SULF2: variants seen among roughly 807,000 people sequenced by gnomAD.
SULF2 encodes sulfatase 2.
Under a neutral mutation model 107.7 loss-of-function variants are expected in SULF2, and 52 were observed. The observed-to-expected ratio is 0.48, with a 90% confidence interval of 0.39 to 0.61. The LOEUF (loss-of-function observed/expected upper bound fraction) is 0.61. SULF2 is among the 20% of genes least tolerant of loss of function. SULF2 has a pLI of 0.00. For synonymous variants in SULF2, 460 were observed against 464.3 expected (o/e 0.99, Z 0.12); for missense variants, 993 against 1,177.3 (o/e 0.84, Z 2.29).
intron 1 of SULF2, among the ~76,000 whole-genome samples, chr20:47,764,101 C>G (rs148321048): frequency 3.5e-4 from 53 of 152,332 alleles, no homozygotes; most frequent in African/African-American, 1.2e-3. Context: ...CTGCCTGGAG[C>G]CTTCATTCAG....
intron 3 of SULF2, 113 bp downstream of exon 3, chr20:47,736,590 C>T (rs1426961857): frequency 2.9e-6 from 4 of 1,384,372 alleles, no homozygotes; most frequent in South Asian, 2.7e-5. Flanking sequence ...AAGAGAGTTG[C>T]TCTAGGGGCT....
At chr20:47,737,057 T>TACGGGGCAG (rs1294360652) in intron 2 of SULF2, 115 bp from the exon 3 acceptor site, 2 of 1,481,270 alleles carry the variant, frequency 1.4e-6, no homozygotes, top group Admixed American at 1.9e-5. Flanking sequence ...TCTGCAGACC[T>TACGGGGCAG]ACGGGGCAGA....
At chr20:47,725,760 C>T (rs925228494) in intron 3 of SULF2, among the ~76,000 whole-genome samples, 2 of 152,200 alleles carry the variant, frequency 1.3e-5, no homozygotes, top group African/African-American at 2.4e-5. Context: ...ACCTGCCAGC[C>T]CTCTATGCAT....
At position 47,690,306 on chromosome 20, in the gene SULF2, G is replaced by A. The variant is rs2088154365; in HGVS notation, c.568-11C>T. ...GTCTGTGAGGTAATCCTGGGGGGTG[G>A]GGAGAGACAGGAGAACAGGTGAGGA... On this transcript the variant is annotated splice_polypyrimidine_tract_variant and intron_variant, in intron 4 of 20. Coordinates refer to ENST00000688720, the MANE Select transcript of SULF2 (RefSeq NM_001387048.1). 2 of 1,451,288 alleles carry A rather than the reference G, an allele frequency of 1.4e-6. No homozygotes were observed. Among genetic ancestry groups the A allele is most frequent in the Admixed American group, 2.3e-5 (1 of 44,088 alleles). The allele number at this position is 1,451,288 out of a possible 1,614,324, so 89.9% of individuals were successfully genotyped here.
At chr20:47,671,566 G>A (rs1490488460) in intron 11 of SULF2, among the ~76,000 whole-genome samples, 2 of 151,610 alleles carry the variant, frequency 1.3e-5, no homozygotes, top group Non-Finnish European at 1.5e-5. Flanking sequence ...GAGCCACCGC[G>A]CCCAGCCCAG....
intron 3 of SULF2, among the ~76,000 whole-genome samples, chr20:47,721,565 T>C (rs2089298442): frequency 6.6e-6 from 1 of 152,188 alleles, no homozygotes; most frequent in Non-Finnish European, 1.5e-5. Flanking sequence ...AGACGGGGTT[T>C]CACCACGTTG....
intron 2 of SULF2, among the ~76,000 whole-genome samples, chr20:47,753,098 CAAAA>C (rs10578438): frequency 6.6e-5 from 6 of 90,642 alleles, no homozygotes; most frequent in African/African-American, 1.4e-4. Context: ...GAGACTCTCT[CAAAA>C]AAAAAAAAAA....
intron 11 of SULF2, among the ~76,000 whole-genome samples, chr20:47,671,730 T>C (rs1386316987): frequency 6.6e-6 from 1 of 152,136 alleles, no homozygotes; most frequent in African/African-American, 2.4e-5. Context: ...TCTTCCTTTT[T>C]TTTGAGATGG....
intron 1 of SULF2, among the ~76,000 whole-genome samples, chr20:47,773,752 C>T (rs899400970): frequency 1.3e-5 from 2 of 152,248 alleles, no homozygotes; most frequent in African/African-American, 4.8e-5. Flanking sequence ...TCACGCCTAA[C>T]TGTGGGCTGG....
chr20:47,735,122 C>T (rs2089697934), intron 3 of SULF2, among the ~76,000 whole-genome samples: 2 of 152,154 alleles, frequency 1.3e-5, no homozygotes, highest in Non-Finnish European at 1.5e-5. Flanking sequence ...AAACACCTCA[C>T]TTTGACTCTG....
At chr20:47,663,277 T>C (rs1602579712) in intron 16 of SULF2, 65 bp from the exon 17 acceptor site, 1 of 1,605,454 alleles carries the variant, frequency 6.2e-7, no homozygotes, top group Non-Finnish European at 8.5e-7. Context: ...CCAACAGTGA[T>C]TCCTGTCAGG....
chr20:47,756,950 C>T (rs1203697612), intron 2 of SULF2, among the ~76,000 whole-genome samples: 6 of 152,202 alleles, frequency 3.9e-5, no homozygotes, highest in Non-Finnish European at 5.9e-5. Flanking sequence ...CCAGCCTGTT[C>T]TCTTTAACTC....
At chr20:47,674,393 G>A (rs1003874621) in intron 10 of SULF2, among the ~76,000 whole-genome samples, 1 of 152,254 alleles carries the variant, frequency 6.6e-6, no homozygotes, top group African/African-American at 2.4e-5. Context: ...CTGTGAGGCT[G>A]TGGGCAGTTT....
intron 2 of SULF2, among the ~76,000 whole-genome samples, chr20:47,742,927 ATTT>A (rs397837137): frequency 0.27 from 26,960 of 99,420 alleles, 6,241 homozygotes; most frequent in South Asian, 0.38. Context: ...TCAAAACATG[ATTT>A]TTTTTTTTTT....
chr20:47,682,943 C>T lies in SULF2; in HGVS notation c.1064+51G>A, dbSNP rs376078531. The T allele has an allele frequency of 3.0e-5, 45 of 1,525,190 alleles. No individual in the cohort carries two copies. In the Middle Eastern group the frequency reaches 7.1e-4, roughly 24 times the overall value. The allele number at this position is 1,525,190 out of a possible 1,614,324, so 94.5% of individuals were successfully genotyped here. A position where few individuals can be genotyped will look rare whatever the true frequency, so the allele number is the denominator to read the frequency against. On this transcript the variant is annotated intron_variant, in intron 7 of 20. Transcript: ENST00000688720. ...GGGTTTGGGCTGCATGGTTGAAGCC[C>T]TGAGCTGGGCCCAGGGGCCTCCCTG...
chr20:47,757,107 C>T (rs1278925747), intron 2 of SULF2, 82 bp downstream of exon 2: 18 of 1,293,178 alleles, frequency 1.4e-5, no homozygotes, highest in African/African-American at 7.5e-5. Flanking sequence ...TCAACACCAC[C>T]GCCTTGCCTC....
intron 3 of SULF2, among the ~76,000 whole-genome samples, chr20:47,716,916 G>T (rs2089139384): frequency 6.6e-6 from 1 of 152,084 alleles, no homozygotes; most frequent in Non-Finnish European, 1.5e-5. Flanking sequence ...AGGCTGAGGT[G>T]GCAGGATCAC....
intron 1 of SULF2, among the ~76,000 whole-genome samples, chr20:47,768,196 C>T (rs915248532): frequency 8.5e-5 from 13 of 152,116 alleles, no homozygotes; most frequent in Admixed American, 1.3e-4. Context: ...TGAGTGGGGT[C>T]GGGAATGAAG....
chr20:47,710,912 G>C (rs1410228754), intron 3 of SULF2, among the ~76,000 whole-genome samples: 1 of 152,194 alleles, frequency 6.6e-6, no homozygotes, highest in Non-Finnish European at 1.5e-5. Flanking sequence ...GGGAGGAGGA[G>C]ACCCTTCTGT....
Sources: allele counts gnomAD v4.1 joint callset (sites outside exome capture counted in the v4.1 genomes callset), GRCh38; gene constraint gnomAD v4.1.1; transcripts MANE v1.5; gene names NCBI Gene and HGNC (gene_info 2026-07-23, HGNC 2026-07-21).